Variants in MAP3K1 observed in about 807,000 individuals in gnomAD.
The protein encoded by MAP3K1 is mitogen-activated protein kinase kinase kinase 1, also known as MAP/ERK kinase kinase 1.
Under a neutral mutation model 144.2 loss-of-function variants are expected in MAP3K1, and 36 were observed. The observed-to-expected ratio is 0.25, with a 90% CI of 0.19 to 0.33. The LOEUF (loss-of-function observed/expected upper bound fraction) is 0.33. Among genes scored for constraint, MAP3K1 ranks in the 10% least tolerant of loss-of-function variants. The probability of loss-of-function intolerance (pLI) is 1.00; values close to 1 mark genes in which losing one functional copy is unlikely to be tolerated. For missense variants in MAP3K1, 1,650 were observed against 1,881.9 expected, an observed-to-expected ratio of 0.88 and a Z score of 2.28; for synonymous variants, 718 against 688.7, an observed-to-expected ratio of 1.04 and a Z score of -0.67.
At chr5:56,818,067 A>G (rs1423054730) in intron 1 of MAP3K1, among the ~76,000 whole-genome samples, 1 of 152,234 alleles carries the variant, frequency 6.6e-6, no homozygotes, top group East Asian at 1.9e-4. Flanking sequence ...TTTACGAGTC[A>G]GAATGCTGTT....
chr5:56,851,482 C>T (rs535352297), intron 1 of MAP3K1, among the ~76,000 whole-genome samples: 1 of 152,308 alleles, frequency 6.6e-6, no homozygotes, highest in African/African-American at 2.4e-5. Context: ...CATCATCTAA[C>T]AGCTTATCAG....
chr5:56,868,015 A>C (rs1031874226), intron 6 of MAP3K1, among the ~76,000 whole-genome samples: 1 of 152,226 alleles, frequency 6.6e-6, no homozygotes, highest in East Asian at 1.9e-4. Context: ...ACCCAGTTTT[A>C]TATAGAAAAG....
At chr5:56,822,881 C>G (rs924001603) in intron 1 of MAP3K1, among the ~76,000 whole-genome samples, 1 of 152,306 alleles carries the variant, frequency 6.6e-6, no homozygotes, top group Middle Eastern at 3.4e-3. Context: ...CTTGACACCT[C>G]CTCCTCTCAC....
chr5:56,842,525 ATAG>A (rs1746845442), intron 1 of MAP3K1, among the ~76,000 whole-genome samples: 1 of 152,322 alleles, frequency 6.6e-6, no homozygotes, highest in African/African-American at 2.4e-5. Context: ...GCTAGCTTTA[ATAG>A]TAGTAGTAGT....
chr5:56,854,512 T>C (rs1269364242), intron 1 of MAP3K1, among the ~76,000 whole-genome samples: 2 of 151,454 alleles, frequency 1.3e-5, no homozygotes, highest in Non-Finnish European at 2.9e-5. Context: ...AAACGAAATT[T>C]AAAAAAGAAT....
In MAP3K1 at chr5:56,815,617, C is replaced by T. The variant is rs765282250; in HGVS notation, c.44C>T (p.Pro15Leu). 1 of 1,312,222 alleles carries T rather than the reference C, an allele frequency of 7.6e-7. No individual in the cohort carries two copies. 81.3% of individuals were successfully genotyped at this position (1,312,222 alleles called of 1,614,324 possible). ...AGNRASSSGFPGARATSPEAG... is the reference protein window; with the variant it reads ...AGNRASSSGFLGARATSPEAG... Reference sequence around the variant, plus strand: ...AATCGCGCCTCGTCGTCGGGATTCCCGGGCGCCAGGGCTACGAGCCCTGAG... The same window carrying T: ...AATCGCGCCTCGTCGTCGGGATTCCTGGGCGCCAGGGCTACGAGCCCTGAG... Residue 15 changes from proline (P) to leucine (L), a missense_variant, in exon 1 of 20, where the codon CCG (proline) becomes CTG (leucine). By Grantham distance (98) the Pro-to-Leu change is moderately conservative. This residue lies in a region of MAP3K1 where 360 missense variants were observed against 274.7 expected (regional missense o/e 1.31). Coordinates refer to ENST00000399503, the MANE Select transcript of MAP3K1 (RefSeq NM_005921.2).
intron 6 of MAP3K1, 117 bp from the exon 7 acceptor site, chr5:56,871,793 A>G: frequency 1.2e-6 from 1 of 856,746 alleles, no homozygotes. Context: ...GTTATATAAG[A>G]TGCTCTTAAG....
Position 56,879,026 on chromosome 5 carries a change from C to T in MAP3K1, c.2012C>T (p.Ala671Val), listed in dbSNP as rs201310278. Residue 671 changes from alanine (A) to valine (V), a missense_variant, in exon 11 of 20, where the codon GCG becomes GTG. Around this residue, in one of 6 missense-constraint regions of MAP3K1, gnomAD observed 841 missense variants for 886.5 expected, o/e 0.95. Transcript: ENST00000399503. ...GTATATACTCCTTGCCACAGTTTAG[C>T]GGAAAGAATCAAACTTCAGAGACTT... ...MLVYTPCHSL[A>V]ERIKLQRLLQ... is the part of the protein sequence containing the mutation. 1.3e-4 allele frequency: 213 copies of T among 1,613,752 alleles called. No individual in the cohort carries two copies. Among genetic ancestry groups the T allele is most frequent in the African/African-American group, 7.2e-4 (54 of 74,970 alleles).
chr5:56,877,297 T>G (rs1184920932), intron 10 of MAP3K1, among the ~76,000 whole-genome samples: 1 of 152,222 alleles, frequency 6.6e-6, no homozygotes, highest in Non-Finnish European at 1.5e-5. Flanking sequence ...GTTACTCTTT[T>G]TGTACACACC....
intron 10 of MAP3K1, among the ~76,000 whole-genome samples, chr5:56,877,415 G>A (rs887274151): frequency 6.6e-6 from 1 of 152,030 alleles, no homozygotes; most frequent in African/African-American, 2.4e-5. Context: ...CAGGCTCCAT[G>A]GAGGCAGAAA....
rs1357307694 is a variant in MAP3K1, at chr5:56,868,439, C to G, written c.1301+2462C>G. ...TCTCTCTGTCACCCAGGCTGGAGTGCAGTGGCGTGATCTTGGCTCACTGCA... is the reference window on the plus strand; with the variant it reads ...TCTCTCTGTCACCCAGGCTGGAGTGGAGTGGCGTGATCTTGGCTCACTGCA... On this transcript the variant is annotated intron_variant, in intron 6 of 19. Transcript: ENST00000399503. Among the ~76,000 whole-genome samples, 4 of 152,194 alleles carry G rather than the reference C, an allele frequency of 2.6e-5. No individual in the cohort carries two copies. The East Asian group carries it at 7.7e-4, about 29-fold the overall frequency.
intron 1 of MAP3K1, among the ~76,000 whole-genome samples, chr5:56,840,183 T>C (rs2111811586): frequency 6.6e-6 from 1 of 152,344 alleles, no homozygotes; most frequent in South Asian, 2.1e-4. Flanking sequence ...AGCCTTGCTC[T>C]GTCACCCAGG....
At chr5:56,840,695 G>A (rs1746785499) in intron 1 of MAP3K1, among the ~76,000 whole-genome samples, 1 of 152,044 alleles carries the variant, frequency 6.6e-6, no homozygotes, top group Non-Finnish European at 1.5e-5. Context: ...TCAGCTGTGT[G>A]GCTACAGAGA....
intron 1 of MAP3K1, among the ~76,000 whole-genome samples, chr5:56,829,065 T>G (rs1403269894): frequency 6.6e-6 from 1 of 152,218 alleles, no homozygotes; most frequent in African/African-American, 2.4e-5. Context: ...TAAAAAATTA[T>G]GACTTTCAAA....
chr5:56,881,027 T>G, intron 12 of MAP3K1, 56 bp from the exon 13 acceptor site: 1 of 1,427,054 alleles, frequency 7.0e-7, no homozygotes, highest in Admixed American at 1.9e-5. Flanking sequence ...CATGTCTTGT[T>G]TTAGATTTTA....
chr5:56,854,044 G>A (rs1380170265), intron 1 of MAP3K1, among the ~76,000 whole-genome samples: 2 of 152,282 alleles, frequency 1.3e-5, no homozygotes, highest in East Asian at 3.9e-4. Flanking sequence ...GGATGGGCGT[G>A]TGAATGGAAG....
At chr5:56,853,371 CTTAA>C (rs1291566363) in intron 1 of MAP3K1, among the ~76,000 whole-genome samples, 6 of 151,838 alleles carry the variant, frequency 4.0e-5, no homozygotes, top group African/African-American at 1.2e-4. Flanking sequence ...CAAATTTAGT[CTTAA>C]TTAAATACAG....
intron 9 of MAP3K1, among the ~76,000 whole-genome samples, chr5:56,874,536 T>G (rs1344802215): frequency 6.6e-6 from 1 of 152,222 alleles, no homozygotes; most frequent in African/African-American, 2.4e-5. Context: ...AAAAACCAAT[T>G]AAATGTGTTT....
intron 1 of MAP3K1, among the ~76,000 whole-genome samples, chr5:56,833,657 G>T (rs1219011271): frequency 6.6e-6 from 1 of 152,166 alleles, no homozygotes; most frequent in African/African-American, 2.4e-5. Flanking sequence ...CTTGGCGGGG[G>T]CGGGGAAAGC....
Sources: allele counts gnomAD v4.1 joint callset (sites outside exome capture counted in the v4.1 genomes callset), GRCh38; gene constraint gnomAD v4.1.1; regional missense constraint gnomAD v4.1.1; transcripts MANE v1.5; gene names NCBI Gene and HGNC (gene_info 2026-07-23, HGNC 2026-07-21).